The following LAMA1 variants were observed in gnomAD, a reference collection of about 807,000 sequenced individuals.
LAMA1 encodes laminin subunit alpha-1.
A neutral mutation model predicts 348.7 loss-of-function variants in LAMA1; 219 were observed. The observed-to-expected ratio is 0.63, with a 90% CI of 0.56 to 0.70. The LOEUF is 0.70. LAMA1 is among the 30% of genes least tolerant of loss of function. The pLI, the probability that LAMA1 is intolerant of heterozygous loss-of-function variation, is 0.00. For synonymous variants in LAMA1, 1,487 were observed against 1,491.0 expected, an observed-to-expected ratio of 1.00 and a Z score of 0.06; for missense variants, 3,744 against 3,888.0, an observed-to-expected ratio of 0.96 and a Z score of 0.99.
At chr18:7,099,338 C>G (rs1326834357) in intron 1 of LAMA1, among the ~76,000 whole-genome samples, 1 of 151,384 alleles carries the variant, frequency 6.6e-6, no homozygotes, top group East Asian at 1.9e-4. Flanking sequence ...TGCGGAAGGC[C>G]GCAGGGTCCT....
chr18:6,948,877 C>T (rs570839734), intron 59 of LAMA1, among the ~76,000 whole-genome samples: 3 of 152,122 alleles, frequency 2.0e-5, no homozygotes, highest in Non-Finnish European at 2.9e-5. Context: ...CACGTGGCTG[C>T]GGAAAGGGAG....
intron 1 of LAMA1, among the ~76,000 whole-genome samples, chr18:7,098,009 G>C (rs937818274): frequency 1.7e-4 from 25 of 150,010 alleles, no homozygotes; most frequent in Non-Finnish European, 3.3e-4. Flanking sequence ...GCAGGCTCGC[G>C]CCGCCACGCC....
chr18:7,038,475 T>C (rs1170933847), intron 11 of LAMA1: 1 of 390,416 alleles, frequency 2.6e-6, no homozygotes, highest in Non-Finnish European at 4.8e-6. Flanking sequence ...CACGGCCCTC[T>C]GGGCTCCCAG....
At chr18:7,014,262 C>T (rs1031654039) in intron 22 of LAMA1, among the ~76,000 whole-genome samples, 19 of 152,166 alleles carry the variant, frequency 1.2e-4, no homozygotes, top group African/African-American at 4.1e-4. Flanking sequence ...GTGGCACATG[C>T]GCACGGGGCC....
intron 25 of LAMA1, among the ~76,000 whole-genome samples, chr18:7,010,914 A>G (rs2144115094): frequency 6.6e-6 from 1 of 152,304 alleles, no homozygotes; most frequent in South Asian, 2.1e-4. Flanking sequence ...CCACGTAATG[A>G]TATTTCAGTC....
chr18:7,021,595 T>C (rs868830860), intron 19 of LAMA1, among the ~76,000 whole-genome samples: 6 of 151,728 alleles, frequency 4.0e-5, no homozygotes, highest in Admixed American at 6.6e-5. Flanking sequence ...AAAAAGAAAG[T>C]AAATATTGCT....
chr18:6,971,746 G>T, intron 48 of LAMA1, 111 bp downstream of exon 48: 1 of 1,454,386 alleles, frequency 6.9e-7, no homozygotes, highest in African/African-American at 1.4e-5. Context: ...ACACCTACCA[G>T]CGATATCACA....
chr18:7,095,384 C>G (rs927743886), intron 1 of LAMA1, among the ~76,000 whole-genome samples: 5 of 152,110 alleles, frequency 3.3e-5, no homozygotes, highest in African/African-American at 1.2e-4. Flanking sequence ...TGGTAGTACT[C>G]AAATGGTCTA....
chr18:7,031,877 T>C (rs567682134), intron 16 of LAMA1, among the ~76,000 whole-genome samples, 189 bp downstream of exon 16: 149 of 114,818 alleles, frequency 1.3e-3, no homozygotes, highest in African/African-American at 5.1e-3. Flanking sequence ...AGTAACTTTT[T>C]TCAAAAAAAA....
intron 3 of LAMA1, among the ~76,000 whole-genome samples, chr18:7,051,440 C>T (rs970926613): frequency 1.3e-5 from 2 of 152,040 alleles, no homozygotes; most frequent in Non-Finnish European, 2.9e-5. Flanking sequence ...TTGCCAAAAT[C>T]GAAGCTTTGG....
At chr18:7,109,731 C>A (rs545067474) in intron 1 of LAMA1, among the ~76,000 whole-genome samples, 1 of 152,032 alleles carries the variant, frequency 6.6e-6, no homozygotes, top group African/African-American at 2.4e-5. Context: ...TGGAGAAGGG[C>A]GGGGTGACTG....
intron 46 of LAMA1, among the ~76,000 whole-genome samples, chr18:6,973,719 C>T (rs1012694337): frequency 2.6e-5 from 4 of 152,226 alleles, no homozygotes; most frequent in African/African-American, 9.6e-5. Flanking sequence ...TTACACCTCT[C>T]TCCTGAGGAA....
chr18:7,025,863 T>C, intron 17 of LAMA1, 116 bp downstream of exon 17: 3 of 1,421,416 alleles, frequency 2.1e-6, no homozygotes, highest in South Asian at 1.2e-5. Context: ...CAATTGTCAC[T>C]GGGCAAAATT....
chr18:6,998,410 C>T (rs1404333258), intron 32 of LAMA1, among the ~76,000 whole-genome samples: 1 of 152,146 alleles, frequency 6.6e-6, no homozygotes, highest in Admixed American at 6.5e-5. Context: ...ACATTTCATT[C>T]TTCTGCCCCC....
At chr18:6,949,998 T>C (rs2057539072) in intron 58 of LAMA1, among the ~76,000 whole-genome samples, 1 of 152,232 alleles carries the variant, frequency 6.6e-6, no homozygotes, top group Non-Finnish European at 1.5e-5. Context: ...TTAAGTGTTA[T>C]ACCTTCTCCA....
At chr18:6,970,837 T>C (rs1161471996) in intron 48 of LAMA1, among the ~76,000 whole-genome samples, 1 of 152,120 alleles carries the variant, frequency 6.6e-6, no homozygotes, top group Non-Finnish European at 1.5e-5. Flanking sequence ...GGTATCGAAC[T>C]CCTAACCTCA....
At chr18:7,032,301 A>T in intron 15 of LAMA1, 125 bp from the exon 16 acceptor site, 1 of 715,074 alleles carries the variant, frequency 1.4e-6, no homozygotes, top group Non-Finnish European at 2.5e-6. Flanking sequence ...CATGCTACAC[A>T]ATTCACCCAT....
intron 2 of LAMA1, 30 bp downstream of exon 2, chr18:7,080,257 G>A: frequency 6.2e-7 from 1 of 1,613,646 alleles, no homozygotes; most frequent in Non-Finnish European, 8.5e-7. Flanking sequence ...ATTCCCATGG[G>A]AATTTCAGAA....
intron 32 of LAMA1, among the ~76,000 whole-genome samples, chr18:6,999,216 T>A (rs2057796193): frequency 6.6e-6 from 1 of 152,106 alleles, no homozygotes; most frequent in Non-Finnish European, 1.5e-5. Flanking sequence ...CTGCTCTGAG[T>A]GCCAGAGGAA....
Sources: gnomAD v4.1 joint callset for allele counts (sites outside exome capture counted in the v4.1 genomes callset) on GRCh38, gnomAD v4.1.1 for gene constraint, MANE v1.5 for transcripts, NCBI Gene and HGNC (gene_info 2026-07-23, HGNC 2026-07-21) for gene names.